Variants in DNER observed in about 807,000 individuals in gnomAD.
The protein encoded by DNER is delta and Notch-like epidermal growth factor-related receptor.
DNER carries 33 observed loss-of-function variants against 78.2 expected under a neutral mutation model. That is an observed-to-expected ratio of 0.42 (90% CI 0.32 to 0.56). The LOEUF (loss-of-function observed/expected upper bound fraction) is 0.56. Among genes scored for constraint, DNER ranks in the 20% least tolerant of loss-of-function variants. The pLI is 0.11. For missense variants in DNER, 918 were observed against 975.3 expected (o/e 0.94, Z 0.78); for synonymous variants, 417 against 384.8 (o/e 1.08, Z -0.98).
At chr2:229,624,314 G>T (rs1036498643) in intron 1 of DNER, among the ~76,000 whole-genome samples, 4 of 152,158 alleles carry the variant, frequency 2.6e-5, no homozygotes, top group Non-Finnish European at 5.9e-5. Flanking sequence ...AAAACTTAAA[G>T]GTTCCTAAAT....
In DNER at chr2:229,585,979, G is replaced by A. The variant is rs773712030; in HGVS notation, c.726C>T (p.Val242=). 16 of 1,613,870 alleles carry A rather than the reference G, an allele frequency of 9.9e-6. No homozygotes were observed. The highest frequency in any genetic ancestry group is 1.6e-4 in the Middle Eastern group (1 of 6,082). The change falls in exon 4 of 13, where the codon GTC becomes GTT. Residue 242 remains valine (V), a synonymous_variant. Coordinates refer to ENST00000341772, the MANE Select transcript of DNER (RefSeq NM_139072.4). ...ATASLILLWK[V]TATGFQQCSL... is the part of the protein sequence containing the mutation. ...AGCACTGTTGGAATCCTGTGGCCGT[G>A]ACCTTCCAGAGCAAAATCAGTGAGG...
chr2:229,358,670 G>C lies in DNER; in HGVS notation c.2103-19C>G. 1.9e-6 allele frequency: 3 copies of C among 1,600,144 alleles called. No individual in the cohort carries two copies. The highest frequency in any genetic ancestry group is 1.3e-5 in the African/African-American group (1 of 74,640). ...TCCAAACCTGAAATCAGAGAGAAAGGACTCTGGTTAGATAAATACTAGATC... is the reference window on the plus strand; with the variant it reads ...TCCAAACCTGAAATCAGAGAGAAAGCACTCTGGTTAGATAAATACTAGATC... On this transcript the variant is annotated intron_variant, in intron 12 of 12. Transcript: ENST00000341772.
At chr2:229,572,517 C>A (rs1052378442) in intron 4 of DNER, among the ~76,000 whole-genome samples, 2 of 152,110 alleles carry the variant, frequency 1.3e-5, no homozygotes, top group East Asian at 3.9e-4. Context: ...AGTGGAGAAT[C>A]CAAGTAAGGA....
intron 1 of DNER, among the ~76,000 whole-genome samples, chr2:229,708,955 G>T (rs1374458214): frequency 1.3e-5 from 2 of 152,110 alleles, no homozygotes; most frequent in Middle Eastern, 3.2e-3. Flanking sequence ...AAGTCACTGA[G>T]AATTTTCTAA....
chr2:229,700,303 T>TGTGTGTGTGTGGGA (rs1553554056), intron 1 of DNER, among the ~76,000 whole-genome samples: 1 of 149,618 alleles, frequency 6.7e-6, no homozygotes, highest in Non-Finnish European at 1.5e-5. Flanking sequence ...TGTGTGTGTG[T>TGTGTGTGTGTGGGA]GTGTGTGTGT....
chr2:229,387,524 AAAGAAAGAAAGAAAG>A (rs1692909025), intron 11 of DNER, among the ~76,000 whole-genome samples: 2 of 130,604 alleles, frequency 1.5e-5, no homozygotes, highest in African/African-American at 5.7e-5. Flanking sequence ...AGAAAGAAAG[AAAGAAAGAAAGAAAG>A]AAAGAAAGAA....
At chr2:229,402,964 G>A (rs1862106) in intron 10 of DNER, among the ~76,000 whole-genome samples, 45,028 of 152,004 alleles carry the variant, frequency 0.3, 7,035 homozygotes, top group Non-Finnish European at 0.34. Flanking sequence ...ATGACTGGAG[G>A]AAGCGTATTT....
At chr2:229,406,683 T>C (rs1035508410) in intron 10 of DNER, among the ~76,000 whole-genome samples, 4 of 152,168 alleles carry the variant, frequency 2.6e-5, no homozygotes, top group African/African-American at 4.8e-5. Context: ...GGGGTGACTT[T>C]GAAGAAGGAC....
intron 1 of DNER, among the ~76,000 whole-genome samples, chr2:229,657,490 T>C (rs968615184): frequency 9.2e-5 from 14 of 152,134 alleles, no homozygotes; most frequent in Admixed American, 3.3e-4. Context: ...CAAAAAACAA[T>C]TTTAGGACCG....
intron 5 of DNER, among the ~76,000 whole-genome samples, chr2:229,528,068 G>A (rs1696239581): frequency 6.6e-6 from 1 of 152,190 alleles, no homozygotes; most frequent in South Asian, 2.1e-4. Flanking sequence ...AGAAATTTAA[G>A]TATCAACTTT....
chr2:229,404,317 A>G (rs1693334637), intron 10 of DNER, among the ~76,000 whole-genome samples: 2 of 152,290 alleles, frequency 1.3e-5, no homozygotes, highest in Non-Finnish European at 2.9e-5. Context: ...GGCCTCGGAA[A>G]ACTTACAATC....
intron 10 of DNER, among the ~76,000 whole-genome samples, chr2:229,391,682 C>T (rs1693019278): frequency 6.6e-6 from 1 of 152,178 alleles, no homozygotes; most frequent in Non-Finnish European, 1.5e-5. Flanking sequence ...GCTGGGATTA[C>T]AGGCGTGTGC....
intron 11 of DNER, among the ~76,000 whole-genome samples, chr2:229,377,408 T>C (rs548883161): frequency 3.5e-4 from 54 of 152,336 alleles, no homozygotes; most frequent in African/African-American, 1.2e-3. Flanking sequence ...TCAAGATTCA[T>C]AGAAATTTTG....
At chr2:229,697,974 GGGACCA>G (rs940013102) in intron 1 of DNER, among the ~76,000 whole-genome samples, 9 of 152,168 alleles carry the variant, frequency 5.9e-5, no homozygotes, top group Non-Finnish European at 1.3e-4. Context: ...GGGACTGCTT[GGGACCA>G]GGAGTTCAAG....
chr2:229,527,011 C>CT (rs1466804553), intron 5 of DNER, among the ~76,000 whole-genome samples: 2 of 152,116 alleles, frequency 1.3e-5, no homozygotes, highest in Non-Finnish European at 2.9e-5. Flanking sequence ...AGCTCAAATT[C>CT]TTTTTTCTAA....
intron 1 of DNER, among the ~76,000 whole-genome samples, chr2:229,644,802 G>C (rs754601608): frequency 3.3e-5 from 5 of 152,016 alleles, no homozygotes; most frequent in Non-Finnish European, 7.4e-5. Flanking sequence ...TGAATTTATG[G>C]CTCTAATTTT....
At chr2:229,455,735 T>C (rs1694558757) in intron 7 of DNER, among the ~76,000 whole-genome samples, 1 of 152,130 alleles carries the variant, frequency 6.6e-6, no homozygotes. Flanking sequence ...GACAATCTGC[T>C]GAAGTTGTGT....
intron 1 of DNER, among the ~76,000 whole-genome samples, chr2:229,607,798 G>A (rs953109135): frequency 2.6e-5 from 4 of 151,924 alleles, no homozygotes; most frequent in African/African-American, 4.8e-5. Context: ...CGAGGTGGTC[G>A]AATCACTTGG....
chr2:229,597,293 G>A (rs1697737892), intron 1 of DNER, among the ~76,000 whole-genome samples: 1 of 152,064 alleles, frequency 6.6e-6, no homozygotes, highest in Admixed American at 6.6e-5. Flanking sequence ...TTATTTTTTG[G>A]GAAAGCTATC....
Sources: gnomAD v4.1 joint callset for allele counts (sites outside exome capture counted in the v4.1 genomes callset) on GRCh38, gnomAD v4.1.1 for gene constraint, MANE v1.5 for transcripts, NCBI Gene and HGNC (gene_info 2026-07-23, HGNC 2026-07-21) for gene names.